Variants in PCBP3 observed in about 807,000 individuals in gnomAD.
The protein encoded by PCBP3 is poly(rC)-binding protein 3.
Under a neutral mutation model 52.7 loss-of-function variants are expected in PCBP3, and 25 were observed. The observed-to-expected ratio is 0.47, with a 90% confidence interval of 0.35 to 0.66. The LOEUF (loss-of-function observed/expected upper bound fraction) is 0.66, where lower values mean the gene tolerates loss of function less well. PCBP3 is among the 30% of genes least tolerant of loss of function. PCBP3 has a pLI of 0.01. For missense variants in PCBP3, 391 were observed against 490.3 expected (o/e 0.80, Z 1.91); for synonymous variants, 162 against 183.0 (o/e 0.89, Z 0.93).
At chr21:45,684,537 A>C in intron 2 of PCBP3, among the ~76,000 whole-genome samples, 1 of 152,096 alleles carries the variant, frequency 6.6e-6, no homozygotes, top group Non-Finnish European at 1.5e-5. Context: ...GTAATGAGAG[A>C]GTTCTTACTC....
chr21:45,700,258 T>G (rs1157157175), intron 2 of PCBP3, among the ~76,000 whole-genome samples: 1 of 152,168 alleles, frequency 6.6e-6, no homozygotes, highest in South Asian at 2.1e-4. Flanking sequence ...CCCTGAAAAA[T>G]CCTGTCTTTT....
intron 8 of PCBP3, 88 bp downstream of exon 8, chr21:45,900,711 T>C: frequency 1.9e-6 from 2 of 1,057,170 alleles, no homozygotes; most frequent in South Asian, 1.3e-5. Context: ...ACGTCCTGCC[T>C]GTGCTCTTGG....
intron 5 of PCBP3, among the ~76,000 whole-genome samples, chr21:45,878,610 C>A (rs1156449624): frequency 6.6e-6 from 1 of 152,196 alleles, no homozygotes; most frequent in Non-Finnish European, 1.5e-5. Flanking sequence ...AGCTAAACAG[C>A]GGTGCAGAAG....
chr21:45,809,702 C>T (rs956419325), intron 4 of PCBP3, among the ~76,000 whole-genome samples: 30 of 152,240 alleles, frequency 2.0e-4, no homozygotes, highest in Non-Finnish European at 3.8e-4. Context: ...CGATCCGGGT[C>T]GGGGCAAGGC....
At chr21:45,819,823 T>C (rs1486151306) in intron 4 of PCBP3, among the ~76,000 whole-genome samples, 1 of 152,262 alleles carries the variant, frequency 6.6e-6, no homozygotes, top group Non-Finnish European at 1.5e-5. Flanking sequence ...GCACAGGGCC[T>C]CTGCCAGATG....
chr21:45,799,428 TTC>T (rs1212907809), intron 4 of PCBP3, among the ~76,000 whole-genome samples: 1 of 147,512 alleles, frequency 6.8e-6, no homozygotes, highest in Non-Finnish European at 1.5e-5. Context: ...GATAAAATTG[TTC>T]TGTTTTATTA....
At chr21:45,787,207 T>TA (rs2091223301) in intron 4 of PCBP3, among the ~76,000 whole-genome samples, 1 of 152,202 alleles carries the variant, frequency 6.6e-6, no homozygotes, top group Non-Finnish European at 1.5e-5. Flanking sequence ...TTCTGGAACG[T>TA]AATTCATTAG....
At chr21:45,658,530 C>G (rs1362112370) in intron 1 of PCBP3, among the ~76,000 whole-genome samples, 1 of 152,180 alleles carries the variant, frequency 6.6e-6, no homozygotes, top group Non-Finnish European at 1.5e-5. Flanking sequence ...TCTTGAACTC[C>G]TGACCTCAAG....
chr21:45,646,056 T>TCC (rs2079232183), intron 1 of PCBP3, among the ~76,000 whole-genome samples: 3 of 56,756 alleles, frequency 5.3e-5, no homozygotes, highest in Non-Finnish European at 1.2e-4. Flanking sequence ...CACCTGTTTC[T>TCC]CTCTCTCTCT....
At chr21:45,863,828 G>T (rs1277627232) in intron 5 of PCBP3, among the ~76,000 whole-genome samples, 2 of 152,206 alleles carry the variant, frequency 1.3e-5, no homozygotes, top group Non-Finnish European at 1.5e-5. Context: ...GCTTCGACGG[G>T]AGTCCCAGGC....
At chr21:45,907,746 G>T in intron 9 of PCBP3, among the ~76,000 whole-genome samples, 1 of 151,690 alleles carries the variant, frequency 6.6e-6, no homozygotes, top group African/African-American at 2.4e-5. Context: ...TTGCCTATTC[G>T]CCTGGCTCTC....
chr21:45,773,084 T>C (rs902590811), intron 4 of PCBP3, among the ~76,000 whole-genome samples: 2 of 152,160 alleles, frequency 1.3e-5, no homozygotes, highest in Non-Finnish European at 2.9e-5. Context: ...TAATTTAATA[T>C]AGTTCCATTT....
chr21:45,761,322 A>G (rs570703572), intron 4 of PCBP3: 2 of 151,536 alleles, frequency 1.3e-5, no homozygotes, highest in South Asian at 4.2e-4. Flanking sequence ...TTCCTTCTGG[A>G]CCTCTTTGGA....
At chr21:45,902,256 G>A (rs1467282770) in intron 9 of PCBP3, among the ~76,000 whole-genome samples, 2 of 70,358 alleles carry the variant, frequency 2.8e-5, no homozygotes, top group Non-Finnish European at 5.5e-5. Flanking sequence ...GCTGGACACT[G>A]CAGACACTGG....
intron 2 of PCBP3, among the ~76,000 whole-genome samples, chr21:45,710,018 C>T (rs1016073676): frequency 4.6e-5 from 7 of 152,118 alleles, no homozygotes; most frequent in Admixed American, 3.9e-4. Flanking sequence ...GATAAACTGC[C>T]AGTTCTATCA....
intron 2 of PCBP3, chr21:45,728,757 A>G (rs2085243345): frequency 6.6e-6 from 1 of 152,148 alleles, no homozygotes; most frequent in South Asian, 2.1e-4. Context: ...TGGTATGTAT[A>G]TAGGATTATT....
chr21:45,691,673 A>C (rs1024316215), intron 2 of PCBP3, among the ~76,000 whole-genome samples: 1 of 152,066 alleles, frequency 6.6e-6, no homozygotes, highest in Non-Finnish European at 1.5e-5. Flanking sequence ...GATCAAAGCA[A>C]TGAAGAGTAT....
intron 2 of PCBP3, among the ~76,000 whole-genome samples, chr21:45,703,587 C>T (rs2083265419): frequency 6.6e-6 from 1 of 152,042 alleles, no homozygotes; most frequent in Non-Finnish European, 1.5e-5. Flanking sequence ...ACTTTTACTC[C>T]GTGGGAAATA....
intron 2 of PCBP3, among the ~76,000 whole-genome samples, chr21:45,677,151 T>C (rs2147425485): frequency 6.6e-6 from 1 of 152,326 alleles, no homozygotes; most frequent in East Asian, 1.9e-4. Context: ...AAGCTGGGCC[T>C]CTTATGCCAA....
Sources: gnomAD v4.1 joint callset for allele counts (sites outside exome capture counted in the v4.1 genomes callset) on GRCh38, gnomAD v4.1.1 for gene constraint, MANE v1.5 for transcripts, NCBI Gene and HGNC (gene_info 2026-07-23, HGNC 2026-07-21) for gene names.